LARP7: variants seen among roughly 807,000 people sequenced by gnomAD.
LARP7 encodes la-related protein 7.
LARP7 carries 52 observed loss-of-function variants against 69.3 expected under a neutral mutation model. The ratio of observed to expected loss-of-function variants is 0.75; its 90% confidence interval spans 0.60 to 0.95. The LOEUF (loss-of-function observed/expected upper bound fraction) is 0.95, where lower values mean the gene tolerates loss of function less well. LARP7 is among the 40% of genes least tolerant of loss of function. The pLI, the probability that LARP7 is intolerant of heterozygous loss-of-function variation, is 0.00. For synonymous variants in LARP7, 254 were observed against 215.9 expected, an observed-to-expected ratio of 1.18 and a Z score of -1.55; for missense variants, 733 against 673.0, an observed-to-expected ratio of 1.09 and a Z score of -0.99.
At chr4:112,639,465 C>G (rs554366057) in intron 1 of LARP7, among the ~76,000 whole-genome samples, 1 of 151,974 alleles carries the variant, frequency 6.6e-6, no homozygotes, top group Non-Finnish European at 1.5e-5. Context: ...CTCCTGACCT[C>G]GTGATCCGCC....
At chr4:112,642,164 C>T (rs1158258166) in intron 1 of LARP7, among the ~76,000 whole-genome samples, 1 of 152,144 alleles carries the variant, frequency 6.6e-6, no homozygotes, top group Non-Finnish European at 1.5e-5. Flanking sequence ...GACAGTGGAG[C>T]ACATTGAGGA....
intron 9 of LARP7, 71 bp downstream of exon 9, chr4:112,649,757 A>G: frequency 1.0e-6 from 1 of 995,000 alleles, no homozygotes; most frequent in South Asian, 2.6e-5. Flanking sequence ...CTGAGTTGTT[A>G]TAAGATAAAT....
chr4:112,645,710 T>A, intron 2 of LARP7: 1 of 434,844 alleles, frequency 2.3e-6, no homozygotes, highest in Non-Finnish European at 4.6e-6. Flanking sequence ...TTAAGAGATA[T>A]GGGGTCCCAC....
At chr4:112,641,391 G>GAAA (rs370133374) in intron 1 of LARP7, among the ~76,000 whole-genome samples, 1 of 141,748 alleles carries the variant, frequency 7.1e-6, no homozygotes, top group African/African-American at 2.6e-5. Context: ...CCGTCTCAGG[G>GAAA]AAAAAAAAAA....
At chr4:112,641,438 C>CATG (rs1398711486) in intron 1 of LARP7, among the ~76,000 whole-genome samples, 2 of 150,838 alleles carry the variant, frequency 1.3e-5, no homozygotes, top group African/African-American at 4.9e-5. Flanking sequence ...AAGGAATTGG[C>CATG]ATGATCTGAT....
At chr4:112,639,287 G>T (rs1340217870) in intron 1 of LARP7, among the ~76,000 whole-genome samples, 1 of 148,712 alleles carries the variant, frequency 6.7e-6, no homozygotes, top group Non-Finnish European at 1.5e-5. Context: ...TCGGCTCGCT[G>T]CAAGCTCCGC....
At chr4:112,646,488 T>TTATAAAGAA in intron 3 of LARP7, 37 bp downstream of exon 3, 2 of 1,311,292 alleles carry the variant, frequency 1.5e-6, no homozygotes, top group Non-Finnish European at 2.1e-6. Context: ...ATATTTATAG[T>TTATAAAGAA]TTATAATTAT....
Position 112,649,653 on chromosome 4 carries a change from G to T in LARP7, c.1261G>T (p.Val421Leu). 6.2e-7 allele frequency: 1 copy of T among 1,605,540 alleles called. No homozygotes were observed. Among genetic ancestry groups the T allele is most frequent in the Non-Finnish European group, 8.5e-7 (1 of 1,176,396 alleles). The change falls in exon 9 of 13, where the codon GTA (valine) becomes TTA (leucine). Residue 421 changes from valine (V) to leucine (L), a missense_variant. Val to Leu is a conservative substitution (Grantham distance 32). Coordinates refer to ENST00000344442, the MANE Select transcript of LARP7 (RefSeq NM_016648.4). ...GTCAGAAATGGAAACAGACAGTGGA[G>T]TACCTCAAAACACTGGAATGAAAAA... Reference protein sequence around the residue: ...SESEMETDSGVPQNTGMKNEK... With the variant: ...SESEMETDSGLPQNTGMKNEK...
chr4:112,647,302 A>G lies in LARP7; in HGVS notation c.750A>G (p.Lys250=), dbSNP rs1489599581. The G allele has an allele frequency of 1.2e-6, 2 of 1,613,956 alleles. No individual in the cohort carries two copies. Among genetic ancestry groups the G allele is most frequent in the Admixed American group, 1.7e-5 (1 of 60,004 alleles). The change falls in exon 7 of 13, where the codon AAA becomes AAG. Residue 250 remains lysine, a synonymous_variant. Transcript: ENST00000344442. ...ACACAAGCAACACCAGCATCAGTAA[A>G]ATGAAAAGATCCAGACCCACATCTG... is the stretch of plus-strand genomic sequence containing the variant. The part of the protein sequence containing the change: ...NMDTSNTSIS[K]MKRSRPTSEG...
At chr4:112,639,611 T>C (rs1578548125) in intron 1 of LARP7, among the ~76,000 whole-genome samples, 1 of 152,092 alleles carries the variant, frequency 6.6e-6, no homozygotes, top group Non-Finnish European at 1.5e-5. Flanking sequence ...ATTTCTAATG[T>C]TGCAAGTTTT....
chr4:112,644,904 A>G (rs762353500), intron 2 of LARP7, 33 bp downstream of exon 2: 3 of 1,066,052 alleles, frequency 2.8e-6, no homozygotes, highest in Non-Finnish European at 4.0e-6. Context: ...ACCAATTTTT[A>G]GATATGGTTG....
chr4:112,645,495 CTCAATGTTATTTT>C, intron 2 of LARP7: 1 of 456,084 alleles, frequency 2.2e-6, no homozygotes, highest in Non-Finnish European at 4.4e-6. Flanking sequence ...TTTCACCTAG[CTCAATGTTATTTT>C]TTGTTTCATT....
intron 2 of LARP7, 104 bp from the exon 3 acceptor site, chr4:112,646,247 G>A: frequency 1.7e-6 from 1 of 578,836 alleles, no homozygotes; most frequent in Non-Finnish European, 3.1e-6. Context: ...TAGGATTACA[G>A]GCATGAGCCA....
In LARP7 at chr4:112,647,757, A is replaced by T. The variant is rs988752351; in HGVS notation, c.1065A>T (p.Thr355=). Residue 355 remains threonine, a synonymous_variant, in exon 8 of 13, where the codon ACA becomes ACT. Coordinates refer to ENST00000344442, the MANE Select transcript of LARP7 (RefSeq NM_016648.4). The part of the protein sequence containing the change: ...GDLKDSSLLK[T]KRKHKKKHKE... Reference sequence around the variant, plus strand: ...TAAAAGATAGCTCTCTCTTGAAAACAAAAAGGAAACATAAGAAAAAACATA... The same window carrying T: ...TAAAAGATAGCTCTCTCTTGAAAACTAAAAGGAAACATAAGAAAAAACATA... 6.3e-7 allele frequency: 1 copy of T among 1,576,900 alleles called. No homozygotes were observed. Among genetic ancestry groups the T allele is most frequent in the Admixed American group, 1.8e-5 (1 of 54,912 alleles).
Position 112,649,629 on chromosome 4 carries a change from T to G in LARP7, c.1237T>G (p.Ser413Ala). Residue 413 changes from serine (S) to alanine (A), a missense_variant, in exon 9 of 13, where the codon TCA (serine) becomes GCA (alanine). Physicochemically the swap from Ser to Ala is moderately conservative, Grantham distance 99. Transcript: ENST00000344442. ...KKTISQIKSE[S>A]EMETDSGVPQ... Reference sequence around the variant, plus strand: ...AACAATATCCCAAATAAAATCAGAGTCAGAAATGGAAACAGACAGTGGAGT... The same window carrying G: ...AACAATATCCCAAATAAAATCAGAGGCAGAAATGGAAACAGACAGTGGAGT... 1 of 1,608,342 alleles carries G rather than the reference T, an allele frequency of 6.2e-7. No individual in the cohort carries two copies. The highest frequency in any genetic ancestry group is 8.5e-7 in the Non-Finnish European group (1 of 1,177,304).
intron 1 of LARP7, among the ~76,000 whole-genome samples, chr4:112,641,241 T>C (rs1226955157): frequency 1.3e-5 from 2 of 151,974 alleles, no homozygotes; most frequent in African/African-American, 4.8e-5. Flanking sequence ...CAAAAAAAAA[T>C]TAGCCAGGCG....
intron 10 of LARP7, among the ~76,000 whole-genome samples, chr4:112,652,245 G>A (rs1249979477): frequency 6.9e-6 from 1 of 145,556 alleles, no homozygotes; most frequent in East Asian, 2.1e-4. Context: ...AATTAGTTAT[G>A]TCTGAAATTT....
chr4:112,641,502 T>C lies in LARP7; in HGVS notation c.-2-3166T>C, dbSNP rs570750241. On this transcript the variant is annotated intron_variant, in intron 1 of 12. Transcript: ENST00000344442. ...GAGAATCGATTATAAGGGAAGAAGATTAGAAGCAGGCAGACTAGTAATAAA... is the reference window on the plus strand; with the variant it reads ...GAGAATCGATTATAAGGGAAGAAGACTAGAAGCAGGCAGACTAGTAATAAA... Among the ~76,000 whole-genome samples the C allele has an allele frequency of 7.6e-4, 116 of 152,298 alleles. No homozygotes were observed. The Middle Eastern group carries it at 0.01, about 13-fold the overall frequency.
intron 1 of LARP7, among the ~76,000 whole-genome samples, chr4:112,638,492 A>T (rs2047804378): frequency 6.6e-6 from 1 of 152,200 alleles, no homozygotes; most frequent in Non-Finnish European, 1.5e-5. Flanking sequence ...GTAAAGATGC[A>T]ATTAATTATT....
Sources: gnomAD v4.1 joint callset for allele counts (sites outside exome capture counted in the v4.1 genomes callset) on GRCh38, gnomAD v4.1.1 for gene constraint, MANE v1.5 for transcripts, NCBI Gene and HGNC (gene_info 2026-07-23, HGNC 2026-07-21) for gene names.